Variants in FOXJ3 observed in about 807,000 individuals in gnomAD.
FOXJ3 encodes the protein forkhead box J3.
In FOXJ3, 22 loss-of-function variants were observed where a neutral mutation model predicts 76.1. The observed-to-expected ratio is 0.29, with a 90% CI of 0.21 to 0.41. The LOEUF is 0.41. FOXJ3 is among the 10% of genes least tolerant of loss of function. The probability of loss-of-function intolerance (pLI) is 1.00; values close to 1 mark genes in which losing one functional copy is unlikely to be tolerated. For synonymous variants in FOXJ3, 269 were observed against 261.2 expected (o/e 1.03, Z -0.29); for missense variants, 613 against 762.1 (o/e 0.80, Z 2.30).
intron 4 of FOXJ3, among the ~76,000 whole-genome samples, chr1:42,236,992 G>C (rs533389508): frequency 1.5e-4 from 23 of 151,778 alleles, no homozygotes; most frequent in Non-Finnish European, 2.9e-4. Flanking sequence ...TGTTTTATTC[G>C]GATTATAAGA....
chr1:42,219,569 G>A (rs1005806691), intron 5 of FOXJ3, among the ~76,000 whole-genome samples: 15 of 152,184 alleles, frequency 9.9e-5, no homozygotes, highest in Admixed American at 5.9e-4. Flanking sequence ...TTGGCCTTGC[G>A]CTTACTATGT....
intron 12 of FOXJ3, 130 bp downstream of exon 12, chr1:42,181,787 C>T: frequency 1.7e-6 from 1 of 577,864 alleles, no homozygotes. Context: ...ACATGCTTCT[C>T]AATATTAAAC....
intron 5 of FOXJ3, 132 bp from the exon 6 acceptor site, chr1:42,205,995 T>C (rs1194204057): frequency 2.2e-5 from 13 of 597,606 alleles, no homozygotes; most frequent in East Asian, 2.9e-5. Flanking sequence ...TTTAAATCAC[T>C]AGTGAAATCT....
chr1:42,323,234 G>C (rs1331780290), intron 1 of FOXJ3, among the ~76,000 whole-genome samples: 1 of 152,120 alleles, frequency 6.6e-6, no homozygotes, highest in Non-Finnish European at 1.5e-5. Flanking sequence ...AAAGAAGATT[G>C]AGATAAACAC....
chr1:42,318,827 A>C (rs1034141483), intron 1 of FOXJ3, among the ~76,000 whole-genome samples: 1 of 152,232 alleles, frequency 6.6e-6, no homozygotes, highest in Non-Finnish European at 1.5e-5. Flanking sequence ...AAAGTTAGAC[A>C]TAAGAGTTAC....
intron 9 of FOXJ3, 151 bp from the exon 10 acceptor site, chr1:42,189,555 A>G (rs1646501586): frequency 8.6e-6 from 5 of 580,454 alleles, no homozygotes; most frequent in Middle Eastern, 2.7e-4. Flanking sequence ...GTGTTGGGCA[A>G]TCTGCTCTGT....
intron 2 of FOXJ3, among the ~76,000 whole-genome samples, chr1:42,280,581 T>A (rs147285594): frequency 6.5e-4 from 98 of 150,656 alleles, no homozygotes; most frequent in African/African-American, 2.3e-3. Flanking sequence ...GTCAAAACAG[T>A]AGAGAAAGTA....
At chr1:42,234,862 G>A (rs1557660842) in intron 4 of FOXJ3, among the ~76,000 whole-genome samples, 1 of 152,212 alleles carries the variant, frequency 6.6e-6, no homozygotes, top group East Asian at 1.9e-4. Flanking sequence ...GGCTACAATT[G>A]AGGAGGCTGT....
chr1:42,274,109 G>C (rs1652075693), intron 3 of FOXJ3, among the ~76,000 whole-genome samples: 1 of 152,076 alleles, frequency 6.6e-6, no homozygotes, highest in Non-Finnish European at 1.5e-5. Flanking sequence ...CTACTCCCTA[G>C]CCACCATGTG....
intron 1 of FOXJ3, among the ~76,000 whole-genome samples, chr1:42,318,780 A>C (rs1321997927): frequency 2.0e-5 from 3 of 152,250 alleles, no homozygotes; most frequent in African/African-American, 7.2e-5. Context: ...AGTGTAAAAT[A>C]GTGTTGCTAC....
intron 4 of FOXJ3, among the ~76,000 whole-genome samples, chr1:42,254,035 A>C (rs1469644002): frequency 1.3e-5 from 2 of 151,734 alleles, no homozygotes; most frequent in African/African-American, 2.4e-5. Flanking sequence ...CAACCTACAA[A>C]ATGGGAGAAA....
intron 2 of FOXJ3, among the ~76,000 whole-genome samples, chr1:42,300,144 G>C (rs1323836902): frequency 6.6e-6 from 1 of 152,068 alleles, no homozygotes; most frequent in East Asian, 1.9e-4. Flanking sequence ...AGGCTGCAGT[G>C]AGCCGAGATC....
intron 2 of FOXJ3, 130 bp from the exon 3 acceptor site, chr1:42,278,802 A>C (rs1352129974): frequency 7.6e-6 from 5 of 657,786 alleles, no homozygotes; most frequent in Non-Finnish European, 1.0e-5. Context: ...AAAAAGATTG[A>C]GTATGTTAAT....
At chr1:42,184,673 A>G (rs1209280669) in intron 11 of FOXJ3, among the ~76,000 whole-genome samples, 1 of 152,130 alleles carries the variant, frequency 6.6e-6, no homozygotes, top group Non-Finnish European at 1.5e-5. Context: ...TAAATTAAAT[A>G]GTATGTAACA....
chr1:42,296,520 G>A (rs2124719464), intron 2 of FOXJ3, among the ~76,000 whole-genome samples: 1 of 152,300 alleles, frequency 6.6e-6, no homozygotes, highest in Non-Finnish European at 1.5e-5. Flanking sequence ...TTTTGCATAT[G>A]GCTAGCCAAT....
chr1:42,249,332 G>A (rs1265872606), intron 4 of FOXJ3, among the ~76,000 whole-genome samples: 1 of 152,144 alleles, frequency 6.6e-6, no homozygotes, highest in Non-Finnish European at 1.5e-5. Context: ...GCTCTCCTCT[G>A]GACCATGTTA....
intron 11 of FOXJ3, among the ~76,000 whole-genome samples, chr1:42,182,520 C>T (rs901551376): frequency 6.6e-6 from 1 of 152,134 alleles, no homozygotes; most frequent in Admixed American, 6.5e-5. Context: ...TTTTTTGAGA[C>T]AGGGTCTCAC....
In FOXJ3 at chr1:42,178,131, AAG is replaced by A. The variant is rs1179945785; in HGVS notation, c.*1577_*1578del. On this transcript the variant is annotated 3_prime_UTR_variant, in exon 13 of 13. Coordinates refer to ENST00000361346, the MANE Select transcript of FOXJ3 (RefSeq NM_014947.5). ...AAACCACCACCACTAAAAAACCCGT[AAG>A]AGGGGCTGCATTTCAAAGAAAGGGA... is the stretch of plus-strand genomic sequence containing the variant. 1 of 152,580 alleles carries A rather than the reference AAG, an allele frequency of 6.6e-6. No individual in the cohort carries two copies. The highest frequency in any genetic ancestry group is 2.4e-5 in the African/African-American group (1 of 41,456). 9.5% of individuals were successfully genotyped at this position (152,580 alleles called of 1,614,324 possible). A position where few individuals can be genotyped will look rare whatever the true frequency, so the allele number is the denominator to read the frequency against.
At chr1:42,277,753 C>T (rs578170623) in intron 3 of FOXJ3, among the ~76,000 whole-genome samples, 209 of 13,656 alleles carry the variant, frequency 0.015, 74 homozygotes, top group Non-Finnish European at 0.032. Flanking sequence ...GCCGAGATCC[C>T]GCCACTGCAC....
Sources: gnomAD v4.1 joint callset for allele counts (sites outside exome capture counted in the v4.1 genomes callset) on GRCh38, gnomAD v4.1.1 for gene constraint, MANE v1.5 for transcripts, NCBI Gene and HGNC (gene_info 2026-07-23, HGNC 2026-07-21) for gene names.